The following DAPP1 variants were observed in gnomAD, a reference collection of about 807,000 sequenced individuals.
DAPP1 encodes the protein dual adapter for phosphotyrosine and 3-phosphotyrosine and 3-phosphoinositide.
In DAPP1, 20 loss-of-function variants were observed where a neutral mutation model predicts 41.5. The observed-to-expected ratio is 0.48, with a 90% CI of 0.34 to 0.70. The LOEUF (loss-of-function observed/expected upper bound fraction) is 0.70. DAPP1 is among the 30% of genes least tolerant of loss of function. The probability of loss-of-function intolerance (pLI) is 0.01; values close to 1 mark genes in which losing one functional copy is unlikely to be tolerated. For missense variants in DAPP1, 233 were observed against 333.4 expected (o/e 0.70, Z 2.35); for synonymous variants, 113 against 116.2 (o/e 0.97, Z 0.18).
At chr4:99,849,119 G>A (rs1231189917) in intron 3 of DAPP1, among the ~76,000 whole-genome samples, 2 of 152,166 alleles carry the variant, frequency 1.3e-5, no homozygotes, top group African/African-American at 4.8e-5. Flanking sequence ...AGCCTCATTT[G>A]TGGGGTTACT....
intron 3 of DAPP1, among the ~76,000 whole-genome samples, chr4:99,847,742 C>T (rs1220185443): frequency 6.6e-6 from 1 of 152,196 alleles, no homozygotes; most frequent in South Asian, 2.1e-4. Flanking sequence ...CGAGCTGAGG[C>T]ACTAACTTGG....
At chr4:99,851,474 T>C (rs1723856988) in intron 3 of DAPP1, among the ~76,000 whole-genome samples, 1 of 152,022 alleles carries the variant, frequency 6.6e-6, no homozygotes, top group Non-Finnish European at 1.5e-5. Flanking sequence ...GCCACAGTTC[T>C]GTTTTTGCAG....
At chr4:99,865,741 T>C (rs1410636404) in intron 7 of DAPP1, 1 of 151,284 alleles carries the variant, frequency 6.6e-6, no homozygotes, top group Non-Finnish European at 1.5e-5. Flanking sequence ...TTCGAGTATA[T>C]ACATCTGACT....
At chr4:99,868,066 G>T (rs1212173565) in intron 8 of DAPP1, 51 bp from the exon 9 acceptor site, 2 of 1,476,392 alleles carry the variant, frequency 1.4e-6, no homozygotes, top group Non-Finnish European at 1.9e-6. Flanking sequence ...AGAAGCCAGG[G>T]TTCATTACAA....
At chr4:99,826,319 A>G (rs1350075633) in intron 1 of DAPP1, among the ~76,000 whole-genome samples, 1 of 152,212 alleles carries the variant, frequency 6.6e-6, no homozygotes, top group African/African-American at 2.4e-5. Flanking sequence ...TGAAAATGAA[A>G]TAAGAGAAAA....
chr4:99,844,880 A>G (rs1723614724), intron 3 of DAPP1, among the ~76,000 whole-genome samples: 1 of 152,260 alleles, frequency 6.6e-6, no homozygotes, highest in Admixed American at 6.5e-5. Context: ...TTTTTAAATA[A>G]TGTGGTTAAA....
At chr4:99,852,463 G>A (rs1345314006) in intron 3 of DAPP1, among the ~76,000 whole-genome samples, 1 of 152,190 alleles carries the variant, frequency 6.6e-6, no homozygotes, top group Non-Finnish European at 1.5e-5. Flanking sequence ...GAACTGCTCT[G>A]AGCCCTTGGA....
chr4:99,831,516 C>T (rs376644021), intron 1 of DAPP1, among the ~76,000 whole-genome samples: 6 of 152,330 alleles, frequency 3.9e-5, no homozygotes, highest in African/African-American at 1.2e-4. Context: ...TTTATCATCT[C>T]CATGTCGATG....
At chr4:99,843,517 T>A (rs1723564804) in intron 3 of DAPP1, among the ~76,000 whole-genome samples, 1 of 152,238 alleles carries the variant, frequency 6.6e-6, no homozygotes, top group African/African-American at 2.4e-5. Context: ...TATGATAATT[T>A]CCCTTTCCCT....
chr4:99,842,572 G>GTGT lies in DAPP1; in HGVS notation c.358+2152_358+2154dup, dbSNP rs1281711970. 5.3e-5 allele frequency among the ~76,000 whole-genome samples: 8 copies of GTGT among 152,338 alleles called. No individual in the cohort carries two copies. In the East Asian group the frequency reaches 1.5e-3, roughly 29 times the overall value. On this transcript the variant is annotated intron_variant, in intron 3 of 8. Coordinates refer to ENST00000512369, the MANE Select transcript of DAPP1 (RefSeq NM_014395.3). ...AACAGGCAAAACCCATGACAGATGAGTGTTCAAATCTTGCCCCTCTGGGAG... is the reference window on the plus strand; with the variant it reads ...AACAGGCAAAACCCATGACAGATGAGTGTTGTTCAAATCTTGCCCCTCTGGGAG...
chr4:99,838,585 C>T (rs1028600687), intron 2 of DAPP1, among the ~76,000 whole-genome samples: 1 of 152,082 alleles, frequency 6.6e-6, no homozygotes, highest in Non-Finnish European at 1.5e-5. Context: ...TTCACATGTG[C>T]AGTTCCCAAT....
intron 7 of DAPP1, among the ~76,000 whole-genome samples, chr4:99,864,620 C>G (rs945800457): frequency 8.6e-5 from 13 of 151,840 alleles, no homozygotes; most frequent in African/African-American, 3.1e-4. Flanking sequence ...ATAGACATGC[C>G]CTGTGAGCTA....
intron 2 of DAPP1, among the ~76,000 whole-genome samples, chr4:99,840,017 A>AT (rs575738843): frequency 2.5e-3 from 374 of 152,300 alleles, no homozygotes; most frequent in Non-Finnish European, 4.6e-3. Flanking sequence ...AGCCTAGATC[A>AT]TGCCACTGCA....
At chr4:99,822,759 A>G (rs1261749454) in intron 1 of DAPP1, among the ~76,000 whole-genome samples, 12 of 152,148 alleles carry the variant, frequency 7.9e-5, no homozygotes, top group African/African-American at 2.9e-4. Context: ...ATACTCTTAG[A>G]TATTTTGTTA....
At chr4:99,849,100 ATTTAG>A (rs145953814) in intron 3 of DAPP1, among the ~76,000 whole-genome samples, 5,967 of 152,238 alleles carry the variant, frequency 0.039, 113 homozygotes, top group Middle Eastern at 0.058. Flanking sequence ...TCATCTCACA[ATTTAG>A]TTTAGCCTCA....
rs182903385 is a variant in DAPP1 at position 99,827,487 on chromosome 4, C to T, written c.102-8136C>T. On this transcript the variant is annotated intron_variant, in intron 1 of 8. Transcript: ENST00000512369. ...GGCAGAGCTTGCAGTGAGCCGAGATCGAGCCACTGCACTCCAGCCTGGGCA... is the reference window on the plus strand; with the variant it reads ...GGCAGAGCTTGCAGTGAGCCGAGATTGAGCCACTGCACTCCAGCCTGGGCA... 7.2e-4 allele frequency among the ~76,000 whole-genome samples: 109 copies of T among 150,622 alleles called. 1 individual carries two copies. Among genetic ancestry groups the T allele is most frequent in the Middle Eastern group, 3.4e-3 (1 of 292 alleles).
intron 3 of DAPP1, among the ~76,000 whole-genome samples, chr4:99,849,242 G>T (rs993036978): frequency 2.0e-5 from 3 of 152,028 alleles, no homozygotes; most frequent in African/African-American, 7.3e-5. Context: ...ATAGAATTTG[G>T]GTTCCTCCAA....
intron 1 of DAPP1, among the ~76,000 whole-genome samples, chr4:99,829,111 T>G (rs1038783300): frequency 6.9e-6 from 1 of 145,126 alleles, no homozygotes; most frequent in African/African-American, 2.4e-5. Flanking sequence ...GCAAATCTAG[T>G]TTTTTTTCTG....
At chr4:99,832,419 A>T (rs1193731187) in intron 1 of DAPP1, among the ~76,000 whole-genome samples, 2 of 152,254 alleles carry the variant, frequency 1.3e-5, no homozygotes, top group Non-Finnish European at 2.9e-5. Flanking sequence ...TAACTCAATT[A>T]AAAGGGGAAG....
Sources: gnomAD v4.1 joint callset for allele counts (sites outside exome capture counted in the v4.1 genomes callset) on GRCh38, gnomAD v4.1.1 for gene constraint, MANE v1.5 for transcripts, NCBI Gene and HGNC (gene_info 2026-07-23, HGNC 2026-07-21) for gene names.